The following AHNAK variants were observed in gnomAD, a reference collection of about 807,000 sequenced individuals.
The protein encoded by AHNAK is AHNAK nucleoprotein.
AHNAK carries 23 observed loss-of-function variants against 37.8 expected under a neutral mutation model. That is an observed-to-expected ratio of 0.61 (90% CI 0.44 to 0.86). The LOEUF is 0.86. Among genes scored for constraint, AHNAK ranks in the 40% least tolerant of loss-of-function variants. The probability of loss-of-function intolerance (pLI) is 0.00; values close to 1 mark genes in which losing one functional copy is unlikely to be tolerated. For synonymous variants in AHNAK, 2,481 were observed against 2,636.3 expected (o/e 0.94, Z 1.80); for missense variants, 7,411 against 7,319.4 (o/e 1.01, Z -0.46).
At chr11:62,505,406 G>C (rs563786745) in intron 4 of AHNAK, among the ~76,000 whole-genome samples, 14 of 152,286 alleles carry the variant, frequency 9.2e-5, no homozygotes, top group African/African-American at 2.9e-4. Flanking sequence ...TCATGCCCTT[G>C]ATTCTGAGGG....
Position 62,529,005 on chromosome 11 carries a change from T to C in AHNAK, c.5412A>G (p.Pro1804=), listed in dbSNP as rs760251861. The C allele has an allele frequency of 1.4e-5, 23 of 1,614,078 alleles. No individual in the cohort carries two copies. The highest frequency in any genetic ancestry group is 1.9e-5 in the Non-Finnish European group (22 of 1,180,050). Residue 1804 remains proline, a synonymous_variant, in exon 5 of 5, where the codon CCA becomes CCG. Transcript: ENST00000378024. The part of the protein sequence containing the change: ...KLKGEIDASV[P]ELEGDLRGPQ... ...GCCCTCTGAGATCACCTTCCAGTTCTGGCACAGAAGCATCTATCTCTCCCT... is the reference window on the plus strand; with the variant it reads ...GCCCTCTGAGATCACCTTCCAGTTCCGGCACAGAAGCATCTATCTCTCCCT...
At position 62,482,191 on chromosome 11, in the gene AHNAK, G is replaced by T. The variant is rs533397369; in HGVS notation, c.442+9541C>A. The stretch of plus-strand genomic sequence containing the variant: ...GCACTTTGGGAGCCCAAGGCGGACT[G>T]CTCACTTGAGGCCCGGAGTTCGAGA... On this transcript the variant is annotated intron_variant, in intron 5 of 5. Coordinates refer to the AHNAK transcript ENST00000257247. 6.6e-5 allele frequency among the ~76,000 whole-genome samples: 10 copies of T among 152,316 alleles called. No homozygotes were observed. The East Asian group carries it at 1.7e-3, about 26-fold the overall frequency.
chr11:62,511,081 T>C (rs1359192411), downstream of AHNAK, among the ~76,000 whole-genome samples: 1 of 152,140 alleles, frequency 6.6e-6, no homozygotes, highest in Non-Finnish European at 1.5e-5. Flanking sequence ...CACTTTTGCT[T>C]TGGGGTGCTG....
At chr11:62,467,410 C>T (rs1490262988) in intron 5 of AHNAK, among the ~76,000 whole-genome samples, 3 of 152,112 alleles carry the variant, frequency 2.0e-5, no homozygotes, top group African/African-American at 7.2e-5. Flanking sequence ...TGAGGCTTGG[C>T]GCAGTGGCTC....
Position 62,533,372 on chromosome 11 carries a change from T to C in AHNAK, c.1045A>G (p.Ile349Val). 9 of 1,580,822 alleles carry C rather than the reference T, an allele frequency of 5.7e-6. No individual in the cohort carries two copies. The highest frequency in any genetic ancestry group is 6.9e-6 in the Non-Finnish European group (8 of 1,164,178). The change falls in exon 5 of 5, where the codon ATC becomes GTC. Residue 349 changes from isoleucine (I) to valine (V), a missense_variant. Ile to Val is a conservative substitution (Grantham distance 29). Transcript: ENST00000378024. ...CTGACTTCCAGCTGAGGGGCTTGGA[T>C]AGTCAAGCCTGGCTTGCCGCCCTTG... ...GHKGGKPGLTIQAPQLEVSVP... is the reference protein window; with the variant it reads ...GHKGGKPGLTVQAPQLEVSVP...
At chr11:62,468,030 A>T (rs1195855082) in intron 5 of AHNAK, among the ~76,000 whole-genome samples, 1 of 152,064 alleles carries the variant, frequency 6.6e-6, no homozygotes, top group Non-Finnish European at 1.5e-5. Context: ...CCATTGAGGG[A>T]TGATGATATT....
At chr11:62,452,917 T>G (rs770950274) in intron 5 of AHNAK, among the ~76,000 whole-genome samples, 3 of 152,080 alleles carry the variant, frequency 2.0e-5, no homozygotes, top group Non-Finnish European at 4.4e-5. Context: ...CCCAGCCACT[T>G]AAGAAGCTAA....
rs144527043 is a variant in AHNAK at position 62,521,769 on chromosome 11, G to A, written c.12648C>T (p.Asp4216=). The A allele has an allele frequency of 6.8e-6, 11 of 1,613,098 alleles. No homozygotes were observed. Among genetic ancestry groups the A allele is most frequent in the Non-Finnish European group, 8.5e-6 (10 of 1,179,800 alleles). Residue 4216 remains aspartate, a synonymous_variant, in exon 5 of 5, where the codon GAC becomes GAT. Transcript: ENST00000378024. Reference sequence around the variant, plus strand: ...CCACCTTGGGTCCTGAGACGTCAAGGTCAGCCTTGGGCAGGTTCACATCCA... The same window carrying A: ...CCACCTTGGGTCCTGAGACGTCAAGATCAGCCTTGGGCAGGTTCACATCCA... ...PDVDVNLPKA[D]LDVSGPKVDI...
chr11:62,450,109 T>G (rs1202910115), intron 5 of AHNAK, among the ~76,000 whole-genome samples: 1 of 149,352 alleles, frequency 6.7e-6, no homozygotes, highest in Non-Finnish European at 1.5e-5. Flanking sequence ...TTGTTTTATT[T>G]TATTTTATTT....
At chr11:62,459,478 GC>G in intron 5 of AHNAK, among the ~76,000 whole-genome samples, 1 of 152,092 alleles carries the variant, frequency 6.6e-6, no homozygotes, top group Non-Finnish European at 1.5e-5. Flanking sequence ...CACAGCCCTG[GC>G]CCCTCATTTC....
chr11:62,449,124 G>A (rs1938480249), intron 5 of AHNAK, among the ~76,000 whole-genome samples: 1 of 152,154 alleles, frequency 6.6e-6, no homozygotes, highest in South Asian at 2.1e-4. Flanking sequence ...ACCACGCAGA[G>A]CCATCAGGTC....
chr11:62,435,450 G>C (rs911013437), intron 5 of AHNAK, among the ~76,000 whole-genome samples: 1 of 151,610 alleles, frequency 6.6e-6, no homozygotes, highest in African/African-American at 2.4e-5. Context: ...TCTCGCTGTT[G>C]CCCAGGCTGG....
intron 5 of AHNAK, among the ~76,000 whole-genome samples, chr11:62,470,248 C>T (rs927475061): frequency 2.6e-5 from 4 of 152,180 alleles, no homozygotes; most frequent in Non-Finnish European, 4.4e-5. Context: ...GAGTTTGAGA[C>T]CAGCCTGACC....
rs1229176359 is a variant in AHNAK, at chr11:62,531,606, T to C, written c.2811A>G (p.Pro937=). The C allele has an allele frequency of 1.2e-6, 2 of 1,609,688 alleles. No homozygotes were observed. ...GKLKGPKFKM[P]EMNIKAPKIS... ...TCTTGGGGGCCTTGATATTCATCTCTGGCATCTTGAACTTGGGGCCCTTCA... is the reference window on the plus strand; with the variant it reads ...TCTTGGGGGCCTTGATATTCATCTCCGGCATCTTGAACTTGGGGCCCTTCA... Residue 937 remains proline (P), a synonymous_variant, in exon 5 of 5, where the codon CCA becomes CCG. Coordinates refer to ENST00000378024, the MANE Select transcript of AHNAK (RefSeq NM_001620.3).
At chr11:62,434,607 C>T (rs897244717) in intron 5 of AHNAK, among the ~76,000 whole-genome samples, 2 of 152,148 alleles carry the variant, frequency 1.3e-5, no homozygotes, top group Admixed American at 6.6e-5. Flanking sequence ...CAAGAAAGTT[C>T]AGCAACTCCT....
chr11:62,539,392 G>C (rs1941053346), intron 1 of AHNAK, among the ~76,000 whole-genome samples: 1 of 152,222 alleles, frequency 6.6e-6, no homozygotes, highest in African/African-American at 2.4e-5. Flanking sequence ...CAGCCAGCGA[G>C]GGGGAAAGAG....
At chr11:62,506,997 T>C (rs866088352) in intron 4 of AHNAK, among the ~76,000 whole-genome samples, 4 of 152,222 alleles carry the variant, frequency 2.6e-5, no homozygotes, top group South Asian at 2.1e-4. Context: ...CTTCTCTTGC[T>C]CCCTGGCCTG....
intron 5 of AHNAK, among the ~76,000 whole-genome samples, chr11:62,453,607 G>T (rs184187525): frequency 1.3e-5 from 2 of 152,258 alleles, no homozygotes; most frequent in Admixed American, 6.5e-5. Flanking sequence ...GTGTCTGTAA[G>T]AGCTGCAAGA....
chr11:62,455,196 G>C (rs1405425353), intron 5 of AHNAK, among the ~76,000 whole-genome samples: 1 of 151,524 alleles, frequency 6.6e-6, no homozygotes, highest in East Asian at 2.0e-4. Flanking sequence ...GCCTCCCAAA[G>C]TGCTGGGATT....
Sources: allele counts gnomAD v4.1 joint callset (sites outside exome capture counted in the v4.1 genomes callset), GRCh38; gene constraint gnomAD v4.1.1; transcripts MANE v1.5; gene names NCBI Gene and HGNC (gene_info 2026-07-23, HGNC 2026-07-21).